RPS3: variants seen among roughly 807,000 people sequenced by gnomAD.
RPS3 encodes small ribosomal subunit protein uS3.
RPS3 carries 2 observed loss-of-function variants against 25.8 expected under a neutral mutation model. The observed-to-expected ratio is 0.08, with a 90% CI of 0.03 to 0.24. The LOEUF (loss-of-function observed/expected upper bound fraction) is 0.24. RPS3 is among the 10% of genes least tolerant of loss of function. RPS3 has a pLI of 1.00. For missense variants in RPS3, 107 were observed against 307.1 expected (o/e 0.35, Z 4.87); for synonymous variants, 114 against 114.2 (o/e 1.00, Z 0.01).
Position 75,406,191 on chromosome 11 carries a change from T to C in RPS3, c.*581T>C, listed in dbSNP as rs1188400741. The C allele has an allele frequency of 1.3e-5, 2 of 152,312 alleles. No homozygotes were observed. The highest frequency in any genetic ancestry group is 2.9e-5 in the Non-Finnish European group (2 of 68,112). The allele number at this position is 152,312 out of a possible 1,614,324, so 9.4% of individuals were successfully genotyped here. A position where few individuals can be genotyped will look rare whatever the true frequency, so the allele number is the denominator to read the frequency against. On this transcript the variant is annotated 3_prime_UTR_variant, in exon 7 of 7. Coordinates refer to ENST00000531188, the MANE Select transcript of RPS3 (RefSeq NM_001005.5). The stretch of plus-strand genomic sequence containing the variant: ...TCTTAGGGGATCATGGAACCAGTCA[T>C]TGGTACTACAGGCTATTATGTTCTG...
intron 6 of RPS3, among the ~76,000 whole-genome samples, chr11:75,416,458 C>CTTTTTTTT (rs72030839): frequency 7.9e-6 from 1 of 125,972 alleles, no homozygotes; most frequent in Non-Finnish European, 1.6e-5. Flanking sequence ...TTGATTATTT[C>CTTTTTTTT]TATTTTTTTT....
chr11:75,411,581 G>C (rs1274475018), downstream of RPS3, among the ~76,000 whole-genome samples: 1 of 151,458 alleles, frequency 6.6e-6, no homozygotes, highest in East Asian at 2.0e-4. Context: ...TAGTAGAGAC[G>C]GGGTTTCACC....
At chr11:75,400,460 T>A (rs1293075878) in intron 1 of RPS3, 1 of 613,596 alleles carries the variant, frequency 1.6e-6, no homozygotes, top group East Asian at 3.9e-5. Flanking sequence ...TACTCTGTGC[T>A]GCGTTCTGTG....
chr11:75,416,668 G>A (rs1213460920), intron 6 of RPS3, among the ~76,000 whole-genome samples: 1 of 152,024 alleles, frequency 6.6e-6, no homozygotes, highest in East Asian at 1.9e-4. Flanking sequence ...ATGTTGGCCA[G>A]GCTGGTCTTG....
Position 75,399,547 on chromosome 11 carries a change from G to A in RPS3, c.-1G>A, listed in dbSNP as rs1211177551. 4 of 1,613,918 alleles carry A rather than the reference G, an allele frequency of 2.5e-6. No individual in the cohort carries two copies. The highest frequency in any genetic ancestry group is 1.1e-5 in the South Asian group (1 of 91,082). On this transcript the variant is annotated 5_prime_UTR_variant, in exon 1 of 7. Coordinates refer to ENST00000531188, the MANE Select transcript of RPS3 (RefSeq NM_001005.5). ...TCCTTTCAGCGGAGCGCGGCGGCAA[G>A]ATGGCAGTGCAAATATCCAAGAAGA... is the stretch of plus-strand genomic sequence containing the variant.
intron 6 of RPS3, among the ~76,000 whole-genome samples, chr11:75,414,334 G>A (rs535863440): frequency 6.1e-4 from 93 of 152,344 alleles, no homozygotes; most frequent in African/African-American, 2.1e-3. Flanking sequence ...ACTGTCGGCC[G>A]GGTGCCGTGG....
chr11:75,402,546 G>T, intron 4 of RPS3, 100 bp downstream of exon 4: 1 of 1,260,988 alleles, frequency 7.9e-7, no homozygotes, highest in Non-Finnish European at 1.1e-6. Context: ...AAAGTTACAG[G>T]ATCTGCTAGT....
At chr11:75,401,581 A>G (rs1948210550) in intron 2 of RPS3, 59 bp from the exon 3 acceptor site, 1 of 1,191,814 alleles carries the variant, frequency 8.4e-7, no homozygotes, top group Non-Finnish European at 1.3e-6. Flanking sequence ...CATATATGCA[A>G]GATTTAAAGT....
At chr11:75,399,875 A>G in intron 1 of RPS3, 1 of 516,128 alleles carries the variant, frequency 1.9e-6, no homozygotes. Context: ...TGGTATTTTG[A>G]GGGCGTGTGT....
downstream of RPS3, among the ~76,000 whole-genome samples, chr11:75,410,126 A>C (rs866000318): frequency 0.056 from 3,542 of 63,736 alleles, 204 homozygotes; most frequent in African/African-American, 0.2. Context: ...GGCTGACCCC[A>C]CACCTCCCTC....
chr11:75,400,635 C>A (rs191399539), intron 1 of RPS3, 59 bp from the exon 2 acceptor site: 4 of 1,596,644 alleles, frequency 2.5e-6, no homozygotes, highest in East Asian at 4.5e-5. Flanking sequence ...TAGACTGGCT[C>A]AGGCGAAAGT....
At chr11:75,401,842 A>G in intron 3 of RPS3, 109 bp downstream of exon 3, 2 of 696,144 alleles carry the variant, frequency 2.9e-6, no homozygotes, top group Non-Finnish European at 2.6e-6. Context: ...GGACTGGTAT[A>G]ACTGTTGAAA....
chr11:75,411,621 A>G (rs1365697335), downstream of RPS3, among the ~76,000 whole-genome samples: 1 of 149,832 alleles, frequency 6.7e-6, no homozygotes, highest in Admixed American at 6.6e-5. Context: ...CGATCTCCTG[A>G]CCTCATGATC....
chr11:75,421,618 C>T (rs942030144), intron 6 of RPS3: 2 of 152,276 alleles, frequency 1.3e-5, no homozygotes, highest in Admixed American at 6.5e-5. Flanking sequence ...GGGTGACTGG[C>T]TTCTCAGAGG....
chr11:75,400,656 C>G, intron 1 of RPS3, 38 bp from the exon 2 acceptor site: 1 of 1,604,520 alleles, frequency 6.2e-7, no homozygotes, highest in Non-Finnish European at 8.5e-7. Context: ...GAGCCTACAC[C>G]GATCTCCTAA....
rs1232242563 is a variant in RPS3 at position 75,406,300 on chromosome 11, A to G, written c.*690A>G. ...TTTTCTACCAGTGTCTGTACTTCAC[A>G]AGAAATTCGGCACTATTTTTTCAGG... On this transcript the variant is annotated 3_prime_UTR_variant, in exon 7 of 7. Transcript: ENST00000531188. 2 of 152,244 alleles carry G rather than the reference A, an allele frequency of 1.3e-5. No individual in the cohort carries two copies. The highest frequency in any genetic ancestry group is 2.9e-5 in the Non-Finnish European group (2 of 68,048). The allele number at this position is 152,244 out of a possible 1,614,324, so 9.4% of individuals were successfully genotyped here.
chr11:75,419,747 C>T (rs1202617053), intron 6 of RPS3, among the ~76,000 whole-genome samples: 2 of 152,060 alleles, frequency 1.3e-5, no homozygotes, highest in Non-Finnish European at 2.9e-5. Context: ...AATTCTCCTG[C>T]CTCAGCCTCC....
rs73006114 is a variant in RPS3 at position 75,404,831 on chromosome 11, C to T, written c.698C>T (p.Pro233Leu). The T allele has an allele frequency of 5.1e-5, 82 of 1,612,834 alleles. No homozygotes were observed. Among genetic ancestry groups the T allele is most frequent in the Middle Eastern group, 1.7e-4 (1 of 6,036 alleles). The change falls in exon 6 of 7, where the codon CCG becomes CTG. Residue 233 changes from proline to leucine, a missense_variant. Around this residue, in one of 2 missense-constraint regions of RPS3, gnomAD observed 81 missense variants for 286.8 expected, o/e 0.28. Transcript: ENST00000531188. The surrounding 1 kb of genome is among the most constrained non-coding windows in gnomAD (Gnocchi z 4.6). ...ISEQKGGKPE[P>L]PAMPQPVPTA ...GAACAGAAGGGTGGGAAGCCAGAGC[C>T]GCCTGCCATGCCCCAGCCAGTCCCC...
chr11:75,416,006 C>T (rs751955742), intron 6 of RPS3, among the ~76,000 whole-genome samples: 6 of 149,812 alleles, frequency 4.0e-5, no homozygotes, highest in African/African-American at 7.4e-5. Context: ...GACATCAACA[C>T]TCATTGTAGA....
Sources: allele counts gnomAD v4.1 joint callset (sites outside exome capture counted in the v4.1 genomes callset), GRCh38; gene constraint gnomAD v4.1.1; regional missense constraint gnomAD v4.1.1; non-coding constraint Gnocchi (gnomAD v3.1); transcripts MANE v1.5; gene names NCBI Gene and HGNC (gene_info 2026-07-23, HGNC 2026-07-21).